AP1S3: variants seen among roughly 807,000 people sequenced by gnomAD.
The protein encoded by AP1S3 is adaptor related protein complex 1 subunit sigma 3.
A neutral mutation model predicts 20.9 loss-of-function variants in AP1S3; 10 were observed. That is an observed-to-expected ratio of 0.48 (90% CI 0.29 to 0.81). The LOEUF is 0.81. Ranked by LOEUF, AP1S3 falls within the 30% of genes least tolerant of loss-of-function variation. AP1S3 has a pLI of 0.08. For synonymous variants in AP1S3, 41 were observed against 61.5 expected, an observed-to-expected ratio of 0.67 and a Z score of 1.56; for missense variants, 154 against 183.8, an observed-to-expected ratio of 0.84 and a Z score of 0.94.
At chr2:223,818,352 G>A (rs977576929) in intron 1 of AP1S3, among the ~76,000 whole-genome samples, 1 of 151,620 alleles carries the variant, frequency 6.6e-6, no homozygotes, top group East Asian at 2.0e-4. Flanking sequence ...AGGAGGCAGA[G>A]GTTGCAGTGA....
chr2:223,770,978 C>T (rs1211937673), intron 3 of AP1S3, among the ~76,000 whole-genome samples: 1 of 151,952 alleles, frequency 6.6e-6, no homozygotes, highest in East Asian at 1.9e-4. Flanking sequence ...AAGTGATCCC[C>T]CCCACCTTGG....
intron 1 of AP1S3, among the ~76,000 whole-genome samples, chr2:223,779,444 G>GTA (rs1207489351): frequency 6.6e-6 from 1 of 152,048 alleles, no homozygotes; most frequent in Non-Finnish European, 1.5e-5. Flanking sequence ...TGAAGTTATG[G>GTA]TATATTTAAT....
At chr2:223,771,095 G>A (rs1348133583) in intron 3 of AP1S3, among the ~76,000 whole-genome samples, 2 of 152,028 alleles carry the variant, frequency 1.3e-5, no homozygotes, top group South Asian at 4.1e-4. Flanking sequence ...AGCACTTTGG[G>A]GGGGCTGAGG....
At position 223,756,180 on chromosome 2, in the gene AP1S3, A is replaced by G; in HGVS notation, c.*2535T>C. On this transcript the variant is annotated 3_prime_UTR_variant, in exon 5 of 5. Transcript: ENST00000396654. ...TGGAGAAATCCCAACTCTACCAAAA[A>G]TACAAAATTAGCCAGGCGTGGTGGC... The G allele has an allele frequency of 5.8e-6, 2 of 343,138 alleles. No homozygotes were observed. The highest frequency in any genetic ancestry group is 8.2e-6 in the Non-Finnish European group (2 of 242,880). 21.3% of individuals were successfully genotyped at this position (343,138 alleles called of 1,614,324 possible). A position where few individuals can be genotyped will look rare whatever the true frequency, so the allele number is the denominator to read the frequency against.
chr2:223,830,054 G>A (rs1470416884), intron 1 of AP1S3, among the ~76,000 whole-genome samples: 1 of 152,146 alleles, frequency 6.6e-6, no homozygotes, highest in Non-Finnish European at 1.5e-5. Context: ...AACTGTAACA[G>A]CAGGAAAGGC....
chr2:223,811,763 C>T (rs1200658894), intron 1 of AP1S3, among the ~76,000 whole-genome samples: 1 of 152,060 alleles, frequency 6.6e-6, no homozygotes, highest in African/African-American at 2.4e-5. Flanking sequence ...CTGTAGAAAA[C>T]AGAATATGTG....
At chr2:223,770,532 C>A (rs66648275) in intron 3 of AP1S3, among the ~76,000 whole-genome samples, 46 of 89,932 alleles carry the variant, frequency 5.1e-4, no homozygotes, top group East Asian at 1.2e-3. Context: ...ACACACACAC[C>A]CCTTGATATA....
intron 1 of AP1S3, among the ~76,000 whole-genome samples, chr2:223,786,341 T>C (rs1691073568): frequency 6.6e-6 from 1 of 152,102 alleles, no homozygotes; most frequent in Non-Finnish European, 1.5e-5. Flanking sequence ...CTGAAGAAAG[T>C]GAAAGGGCAA....
rs961184922 is a variant in AP1S3, at chr2:223,756,213, T to G, written c.*2502A>C. ...TTAGCCAGGCGTGGTGGCGCATGCC[T>G]ATAATCCCAGCTACTCGGGAGGCTG... is the stretch of plus-strand genomic sequence containing the variant. On this transcript the variant is annotated 3_prime_UTR_variant, in exon 5 of 5. Transcript: ENST00000396654. The G allele has an allele frequency of 1.5e-4, 35 of 235,298 alleles. No individual in the cohort carries two copies. The Admixed American group carries it at 2.1e-3, about 14-fold the overall frequency. The allele number at this position is 235,298 out of a possible 1,614,324, so 14.6% of individuals were successfully genotyped here.
intron 1 of AP1S3, among the ~76,000 whole-genome samples, chr2:223,826,399 C>G (rs7592070): frequency 6.6e-6 from 1 of 151,904 alleles, no homozygotes; most frequent in South Asian, 2.1e-4. Context: ...TCGAGACCAG[C>G]CTGGCCAACA....
At chr2:223,827,370 A>G (rs937437211) in intron 1 of AP1S3, among the ~76,000 whole-genome samples, 2 of 152,070 alleles carry the variant, frequency 1.3e-5, no homozygotes, top group African/African-American at 4.8e-5. Context: ...TACCTCCCCA[A>G]TATCTGCAGT....
chr2:223,803,573 A>G (rs1691514783), intron 1 of AP1S3, among the ~76,000 whole-genome samples: 1 of 152,106 alleles, frequency 6.6e-6, no homozygotes, highest in South Asian at 2.1e-4. Context: ...TGAGTTTAGA[A>G]AATAATGTAG....
At chr2:223,831,435 A>G (rs1322186712) in intron 1 of AP1S3, among the ~76,000 whole-genome samples, 1 of 152,224 alleles carries the variant, frequency 6.6e-6, no homozygotes, top group Non-Finnish European at 1.5e-5. Flanking sequence ...TGCCCGGTCA[A>G]GAAATACATT....
intron 3 of AP1S3, among the ~76,000 whole-genome samples, chr2:223,767,228 C>G (rs1690507443): frequency 6.6e-6 from 1 of 152,040 alleles, no homozygotes; most frequent in Non-Finnish European, 1.5e-5. Context: ...GTCTCCAGAC[C>G]TCCCCAACGT....
intron 1 of AP1S3, among the ~76,000 whole-genome samples, chr2:223,807,892 T>TTTTTTTA (rs1691625676): frequency 7.6e-6 from 1 of 132,056 alleles, no homozygotes; most frequent in Non-Finnish European, 1.6e-5. Context: ...TTTTTTTTTT[T>TTTTTTTA]GGAGACAAGG....
intron 1 of AP1S3, among the ~76,000 whole-genome samples, chr2:223,782,448 C>T (rs976024724): frequency 6.6e-6 from 1 of 152,082 alleles, no homozygotes; most frequent in Non-Finnish European, 1.5e-5. Context: ...ATAGGCTAAA[C>T]GTTACTTTTA....
intron 1 of AP1S3, among the ~76,000 whole-genome samples, chr2:223,800,181 C>G (rs1166275765): frequency 2.7e-5 from 4 of 150,236 alleles, no homozygotes; most frequent in Admixed American, 6.7e-5. Context: ...TACCACTGCA[C>G]TCCAGCCTGG....
In AP1S3 at chr2:223,756,386, G is replaced by T. The variant is rs1410165682; in HGVS notation, c.*2329C>A. The T allele has an allele frequency of 2.8e-6, 1 of 356,638 alleles. No individual in the cohort carries two copies. The highest frequency in any genetic ancestry group is 3.8e-6 in the Non-Finnish European group (1 of 261,638). The allele number at this position is 356,638 out of a possible 1,614,324, so 22.1% of individuals were successfully genotyped here. A position where few individuals can be genotyped will look rare whatever the true frequency, so the allele number is the denominator to read the frequency against. On this transcript the variant is annotated 3_prime_UTR_variant, in exon 5 of 5. Transcript: ENST00000396654. Reference sequence around the variant, plus strand: ...AAAAGAAAGAAAGAAAGGAGGGAGGGAGGAAGGGAAGGAAGGAAGGGAGGG... The same window carrying T: ...AAAAGAAAGAAAGAAAGGAGGGAGGTAGGAAGGGAAGGAAGGAAGGGAGGG...
At chr2:223,825,873 C>G (rs1220126012) in intron 1 of AP1S3, among the ~76,000 whole-genome samples, 1 of 151,602 alleles carries the variant, frequency 6.6e-6, no homozygotes, top group Non-Finnish European at 1.5e-5. Context: ...AAAAATTAGT[C>G]AGGTGTGGTG....
Sources: gnomAD v4.1 joint callset for allele counts (sites outside exome capture counted in the v4.1 genomes callset) on GRCh38, gnomAD v4.1.1 for gene constraint, MANE v1.5 for transcripts, NCBI Gene and HGNC (gene_info 2026-07-23, HGNC 2026-07-21) for gene names.